The following PTPRD variants were observed in gnomAD, a reference collection of about 807,000 sequenced individuals.
The protein encoded by PTPRD is protein tyrosine phosphatase receptor type D.
PTPRD carries 34 observed loss-of-function variants against 214.5 expected under a neutral mutation model. The ratio of observed to expected loss-of-function variants is 0.16; its 90% CI spans 0.12 to 0.21. The LOEUF is 0.21. Among genes scored for constraint, PTPRD ranks in the 10% least tolerant of loss-of-function variants. PTPRD has a pLI of 1.00. For synonymous variants in PTPRD, 1,128 were observed against 845.7 expected, an observed-to-expected ratio of 1.33 and a Z score of -5.79; for missense variants, 2,545 against 2,398.7, an observed-to-expected ratio of 1.06 and a Z score of -1.27.
intron 10 of PTPRD, among the ~76,000 whole-genome samples, chr9:9,172,444 C>T (rs1013051926): frequency 6.6e-6 from 1 of 152,060 alleles, no homozygotes; most frequent in Admixed American, 6.6e-5. Context: ...CTGATTAACC[C>T]TTTACTCACT....
chr9:8,888,227 A>T (rs1387607936), intron 11 of PTPRD, among the ~76,000 whole-genome samples: 1 of 152,188 alleles, frequency 6.6e-6, no homozygotes, highest in Non-Finnish European at 1.5e-5. Flanking sequence ...ACAAAACAAG[A>T]GTGCTCATCA....
intron 4 of PTPRD, among the ~76,000 whole-genome samples, chr9:9,964,092 A>AGGCAGAGACG (rs1566778774): frequency 1.4e-5 from 1 of 69,858 alleles, no homozygotes; most frequent in Non-Finnish European, 3.3e-5. Flanking sequence ...AGGCAGAGAC[A>AGGCAGAGACG]GACAAAGACA....
chr9:9,823,931 AT>A (rs1207737847), intron 5 of PTPRD, among the ~76,000 whole-genome samples: 1 of 152,100 alleles, frequency 6.6e-6, no homozygotes, highest in Non-Finnish European at 1.5e-5. Flanking sequence ...AATTATGTTG[AT>A]TTGATCATTA....
At chr9:10,147,480 G>C (rs1028538806) in intron 3 of PTPRD, among the ~76,000 whole-genome samples, 19 of 152,148 alleles carry the variant, frequency 1.2e-4, no homozygotes, top group African/African-American at 4.6e-4. Context: ...TTTTAAAAAT[G>C]CCTTTGCTTA....
At chr9:8,446,833 T>G (rs1482982496) in intron 34 of PTPRD, among the ~76,000 whole-genome samples, 1 of 152,160 alleles carries the variant, frequency 6.6e-6, no homozygotes, top group Non-Finnish European at 1.5e-5. Context: ...CCTTGATTCT[T>G]CGTGAAAAAG....
At chr9:9,432,631 T>C (rs2083639945) in intron 8 of PTPRD, among the ~76,000 whole-genome samples, 1 of 152,228 alleles carries the variant, frequency 6.6e-6, no homozygotes, top group African/African-American at 2.4e-5. Flanking sequence ...CCCATGCCTC[T>C]GCCTAAGGGG....
intron 2 of PTPRD, among the ~76,000 whole-genome samples, chr9:10,443,396 T>C (rs2098774767): frequency 1.3e-5 from 2 of 151,586 alleles, no homozygotes; most frequent in African/African-American, 2.4e-5. Context: ...CCAGAGTCAA[T>C]GTACTGTTCA....
chr9:10,190,718 C>CA (rs57891244), intron 3 of PTPRD, among the ~76,000 whole-genome samples: 16,722 of 43,532 alleles, frequency 0.38, 2,951 homozygotes, highest in Non-Finnish European at 0.43. Context: ...AACTCTGTCT[C>CA]AAAAAAAAAA....
intron 3 of PTPRD, among the ~76,000 whole-genome samples, chr9:10,289,285 T>G (rs2095460307): frequency 6.6e-6 from 1 of 152,178 alleles, no homozygotes; most frequent in Non-Finnish European, 1.5e-5. Context: ...TCCCCCAATT[T>G]AAGAAAGCAA....
intron 7 of PTPRD, among the ~76,000 whole-genome samples, chr9:9,594,990 C>A (rs1013300395): frequency 2.6e-5 from 4 of 151,922 alleles, no homozygotes; most frequent in African/African-American, 7.2e-5. Flanking sequence ...GAAAAATGCT[C>A]AACATCACTA....
At chr9:8,535,516 T>G (rs774259259) in intron 14 of PTPRD, among the ~76,000 whole-genome samples, 13 of 151,994 alleles carry the variant, frequency 8.6e-5, no homozygotes, top group Non-Finnish European at 1.3e-4. Context: ...TCTAAATATT[T>G]GGGATGTCAA....
intron 8 of PTPRD, among the ~76,000 whole-genome samples, chr9:9,426,227 A>G (rs1211827717): frequency 6.6e-6 from 1 of 152,162 alleles, no homozygotes; most frequent in Non-Finnish European, 1.5e-5. Context: ...CACTTTTCCA[A>G]CAGTCTTAGC....
At chr9:9,630,747 T>A (rs1008335198) in intron 7 of PTPRD, among the ~76,000 whole-genome samples, 1 of 152,162 alleles carries the variant, frequency 6.6e-6, no homozygotes, top group Non-Finnish European at 1.5e-5. Context: ...TATTCACATA[T>A]TAAATTTTAT....
Position 8,395,262 on chromosome 9 carries a change from C to G in PTPRD, c.4211-5855G>C, listed in dbSNP as rs571784337. 1.5e-3 allele frequency among the ~76,000 whole-genome samples: 222 copies of G among 152,094 alleles called. 1 individual carries two copies. Among genetic ancestry groups the G allele is most frequent in the Non-Finnish European group, 2.3e-3 (157 of 67,968 alleles). ...ATGTCCCCTCCTCTACTCCAACGCA[C>G]AAACGAAAAAGCATAACACTATATT... On this transcript the variant is annotated intron_variant, in intron 36 of 45. Coordinates refer to ENST00000381196, the MANE Select transcript of PTPRD (RefSeq NM_002839.4).
At chr9:8,963,503 C>T (rs997418020) in intron 11 of PTPRD, among the ~76,000 whole-genome samples, 8 of 152,054 alleles carry the variant, frequency 5.3e-5, no homozygotes, top group Admixed American at 2.6e-4. Flanking sequence ...TTTTCCATGT[C>T]TATTGAGATG....
chr9:10,338,665 G>A (rs1003101567), intron 3 of PTPRD, among the ~76,000 whole-genome samples: 1 of 151,648 alleles, frequency 6.6e-6, no homozygotes, highest in Non-Finnish European at 1.5e-5. Context: ...ACTTGAATAG[G>A]TCCTACGTCA....
chr9:8,680,595 A>G (rs2097532304), intron 12 of PTPRD, among the ~76,000 whole-genome samples: 1 of 152,210 alleles, frequency 6.6e-6, no homozygotes, highest in African/African-American at 2.4e-5. Flanking sequence ...TAATGTACGT[A>G]CATCTATATA....
chr9:8,608,184 A>G (rs1354557733), intron 14 of PTPRD, among the ~76,000 whole-genome samples: 1 of 152,040 alleles, frequency 6.6e-6, no homozygotes, highest in Non-Finnish European at 1.5e-5. Flanking sequence ...TGAATTGAAG[A>G]TATTACTGTT....
chr9:8,781,872 G>A (rs539623604), intron 11 of PTPRD, among the ~76,000 whole-genome samples: 4 of 152,230 alleles, frequency 2.6e-5, no homozygotes, highest in Non-Finnish European at 5.9e-5. Context: ...CACTCTGTAT[G>A]CCTAACAGGC....
Sources: allele counts gnomAD v4.1 joint callset (sites outside exome capture counted in the v4.1 genomes callset), GRCh38; gene constraint gnomAD v4.1.1; transcripts MANE v1.5; gene names NCBI Gene and HGNC (gene_info 2026-07-23, HGNC 2026-07-21).